Variants in USP10 observed in about 807,000 individuals in gnomAD.
USP10 encodes ubiquitin specific peptidase 10.
Under a neutral mutation model 84.5 loss-of-function variants are expected in USP10, and 22 were observed. That is an observed-to-expected ratio of 0.26 (90% CI 0.19 to 0.37). The LOEUF (loss-of-function observed/expected upper bound fraction) is 0.37, where lower values mean the gene tolerates loss of function less well. Among genes scored for constraint, USP10 ranks in the 10% least tolerant of loss-of-function variants. USP10 has a pLI of 1.00. For synonymous variants in USP10, 454 were observed against 387.6 expected, an observed-to-expected ratio of 1.17 and a Z score of -2.01; for missense variants, 1,019 against 998.9, an observed-to-expected ratio of 1.02 and a Z score of -0.27.
At chr16:84,769,373 G>T (rs2150866706) in intron 11 of USP10, among the ~76,000 whole-genome samples, 1 of 152,278 alleles carries the variant, frequency 6.6e-6, no homozygotes, top group East Asian at 1.9e-4. Flanking sequence ...ATCAGTAGAA[G>T]TTATGCCTAA....
intron 1 of USP10, among the ~76,000 whole-genome samples, chr16:84,724,012 G>A (rs901025246): frequency 6.6e-6 from 1 of 152,118 alleles, no homozygotes; most frequent in Admixed American, 6.5e-5. Flanking sequence ...TATGAAAGTT[G>A]GTGGAATCTT....
intron 1 of USP10, among the ~76,000 whole-genome samples, chr16:84,702,525 C>A (rs1905021019): frequency 6.6e-6 from 1 of 152,180 alleles, no homozygotes; most frequent in East Asian, 1.9e-4. Context: ...CCTTAATGGC[C>A]ATTCATTCAT....
chr16:84,765,181 G>A (rs1913716732), intron 10 of USP10, among the ~76,000 whole-genome samples: 1 of 151,512 alleles, frequency 6.6e-6, no homozygotes, highest in Non-Finnish European at 1.5e-5. Flanking sequence ...AGTATACACA[G>A]ATGTTATGAA....
intron 4 of USP10, among the ~76,000 whole-genome samples, chr16:84,757,783 G>T (rs938536487): frequency 1.3e-5 from 2 of 152,164 alleles, no homozygotes; most frequent in Non-Finnish European, 2.9e-5. Context: ...CCTGGCTCCT[G>T]TGTGATCACA....
At chr16:84,716,876 T>C (rs980074116) in intron 1 of USP10, among the ~76,000 whole-genome samples, 3 of 152,188 alleles carry the variant, frequency 2.0e-5, no homozygotes, top group Non-Finnish European at 4.4e-5. Context: ...ATCCTTTCAC[T>C]CTGAGATATG....
intron 1 of USP10, among the ~76,000 whole-genome samples, chr16:84,702,080 G>A (rs1204433589): frequency 2.6e-5 from 3 of 113,566 alleles, no homozygotes; most frequent in South Asian, 3.1e-4. Context: ...TTTTGAGACG[G>A]GAGTCTTGCT....
chr16:84,739,772 GTTAA>G (rs1363926640), intron 2 of USP10, among the ~76,000 whole-genome samples: 5 of 152,238 alleles, frequency 3.3e-5, no homozygotes, highest in Non-Finnish European at 5.9e-5. Context: ...TGTTAATGTA[GTTAA>G]TTAAGGCACT....
rs546264409 is a variant in USP10, at chr16:84,764,208, C to T, written c.1777C>T (p.Arg593Cys). ...CCCCCGGAACAAGACTTCCGTCACC[C>T]GCCAGGCGGATTTTGTTCAGACTCC... is the stretch of plus-strand genomic sequence containing the variant. ...VGPRNKTSVT[R>C]QADFVQTPIT... The change falls in exon 10 of 14, where the codon CGC (arginine) becomes TGC (cysteine). Residue 593 changes from arginine (R) to cysteine (C), a missense_variant. Physicochemically the swap from Arg to Cys is radical, Grantham distance 180. Around this residue, in one of 2 missense-constraint regions of USP10, gnomAD observed 232 missense variants for 290.1 expected, o/e 0.80. Coordinates refer to ENST00000219473, the MANE Select transcript of USP10 (RefSeq NM_005153.3). 3.1e-6 allele frequency: 5 copies of T among 1,613,988 alleles called. No individual in the cohort carries two copies. Among genetic ancestry groups the T allele is most frequent in the African/African-American group, 2.7e-5 (2 of 75,038 alleles).
At chr16:84,701,909 T>C (rs1904905829) in intron 1 of USP10, among the ~76,000 whole-genome samples, 1 of 150,538 alleles carries the variant, frequency 6.6e-6, no homozygotes, top group South Asian at 2.1e-4. Flanking sequence ...GCAAAGGAAA[T>C]AGTTTGATTT....
At chr16:84,759,754 C>T (rs922910093) in intron 6 of USP10, 137 bp from the exon 7 acceptor site, 3 of 880,458 alleles carry the variant, frequency 3.4e-6, no homozygotes, top group Non-Finnish European at 5.4e-6. Flanking sequence ...GACTTGAGTT[C>T]ACTAGCTGTT....
At chr16:84,776,618 C>T (rs774302) in intron 13 of USP10, among the ~76,000 whole-genome samples, 122,149 of 152,050 alleles carry the variant, frequency 0.8, 49,219 homozygotes, top group African/African-American at 0.83. Flanking sequence ...GCAGTTTCTC[C>T]GCCTTCTCCC....
intron 4 of USP10, among the ~76,000 whole-genome samples, chr16:84,753,706 C>G (rs1187584861): frequency 6.6e-6 from 1 of 152,184 alleles, no homozygotes; most frequent in Non-Finnish European, 1.5e-5. Context: ...GCTAAATGAC[C>G]TTTAAAGTCT....
rs1914888997 is a variant in USP10, at chr16:84,775,324, G to C, written c.2209+99G>C. 2.5e-6 allele frequency: 3 copies of C among 1,198,588 alleles called. No individual in the cohort carries two copies. The Admixed American group carries it at 5.3e-5, about 21-fold the overall frequency. 74.2% of individuals were successfully genotyped at this position (1,198,588 alleles called of 1,614,324 possible). On this transcript the variant is annotated intron_variant, in intron 13 of 13. Transcript: ENST00000219473. ...CTGCAACTTAGCATAGCGACCAGAT[G>C]CTGTACTCAGGTATCCCTGTGGCCT... is the stretch of plus-strand genomic sequence containing the variant.
intron 1 of USP10, among the ~76,000 whole-genome samples, chr16:84,701,073 T>C (rs1039920632): frequency 1.3e-5 from 2 of 152,192 alleles, no homozygotes; most frequent in South Asian, 2.1e-4. Context: ...TATGGGGAAA[T>C]GAAACAAAGT....
intron 1 of USP10, among the ~76,000 whole-genome samples, chr16:84,717,257 T>C (rs188596173): frequency 2.0e-4 from 30 of 152,122 alleles, no homozygotes; most frequent in African/African-American, 7.0e-4. Context: ...CTTTAGGGGG[T>C]GGGCCTAATT....
At chr16:84,749,265 T>G (rs34457873) in intron 4 of USP10, among the ~76,000 whole-genome samples, 35,034 of 152,186 alleles carry the variant, frequency 0.23, 4,338 homozygotes, top group East Asian at 0.37. Context: ...TTCCCTTTAG[T>G]GGGCACACTT....
At chr16:84,728,433 C>T (rs982673830) in intron 1 of USP10, among the ~76,000 whole-genome samples, 13 of 151,936 alleles carry the variant, frequency 8.6e-5, no homozygotes, top group Admixed American at 4.6e-4. Context: ...TCTGCCTCCC[C>T]GGTTCAAGCG....
chr16:84,747,131 G>A (rs893961280), intron 4 of USP10, among the ~76,000 whole-genome samples: 1 of 152,176 alleles, frequency 6.6e-6, no homozygotes, highest in Non-Finnish European at 1.5e-5. Context: ...GCGCGTGACT[G>A]TACGTACCTA....
At chr16:84,722,230 C>G (rs922776221) in intron 1 of USP10, among the ~76,000 whole-genome samples, 9 of 152,224 alleles carry the variant, frequency 5.9e-5, no homozygotes, top group African/African-American at 2.2e-4. Flanking sequence ...TTACCTTCAC[C>G]TGACCCAACT....
Sources: allele counts gnomAD v4.1 joint callset (sites outside exome capture counted in the v4.1 genomes callset), GRCh38; gene constraint gnomAD v4.1.1; regional missense constraint gnomAD v4.1.1; transcripts MANE v1.5; gene names NCBI Gene and HGNC (gene_info 2026-07-23, HGNC 2026-07-21).